The following USP9Y variants were observed in gnomAD, a reference collection of about 807,000 sequenced individuals.
USP9Y encodes ubiquitin carboxyl-terminal hydrolase 9Y.
USP9Y carries 41 observed loss-of-function variants against 53.1 expected under a neutral mutation model. The observed-to-expected ratio is 0.77, with a 90% CI of 0.60 to 1.00. The LOEUF is 1.00. Ranked by LOEUF, USP9Y falls within the 50% of genes least tolerant of loss-of-function variation. The probability of loss-of-function intolerance (pLI) is 0.00; values close to 1 mark genes in which losing one functional copy is unlikely to be tolerated. For synonymous variants in USP9Y, 220 were observed against 173.7 expected (o/e 1.27, Z -2.09); for missense variants, 567 against 535.8 (o/e 1.06, Z -0.58).
intron 33 of USP9Y, among the ~76,000 whole-genome samples, chrY:12,825,405 C>G: frequency 3.0e-5 from 1 of 32,966 alleles, no homozygotes; most frequent in Non-Finnish European, 7.4e-5. Flanking sequence ...GTACCTAGAG[C>G]TTAATTTGTA....
chrY:12,771,941 T>C (rs2053486304), intron 16 of USP9Y, among the ~76,000 whole-genome samples: 2 of 32,858 alleles, frequency 6.1e-5, no homozygotes, highest in Admixed American at 5.6e-4. Context: ...TAATATTGAG[T>C]ATCTCTTCCA....
Position 12,786,531 on chromosome Y carries a change from G to A in USP9Y, c.3292G>A (p.Ala1098Thr). 2.7e-6 allele frequency: 1 copy of A among 366,184 alleles called. No individual in the cohort carries two copies. Among genetic ancestry groups the A allele is most frequent in the South Asian group, 3.2e-5 (1 of 30,803 alleles). 91.3% of individuals were successfully genotyped at this position (366,184 alleles called of 400,897 possible). Residue 1098 changes from alanine (A) to threonine (T), a missense_variant, in exon 24 of 46, where the codon GCC becomes ACC. Coordinates refer to ENST00000338981, the MANE Select transcript of USP9Y (RefSeq NM_004654.4). ...QVLYLTEVVY[A>T]LLMPAGVPLT... ...TTTTTTTTTTTTCCAGGTAGTTTAT[G>A]CCTTGTTAATGCCTGCTGGTGTGCC...
chrY:12,807,861 G>A, intron 27 of USP9Y, among the ~76,000 whole-genome samples: 2 of 32,838 alleles, frequency 6.1e-5, no homozygotes, highest in South Asian at 1.4e-3. Flanking sequence ...AGTTATTGAA[G>A]GCTTAGCTTG....
At chrY:12,801,526 T>A in intron 27 of USP9Y, among the ~76,000 whole-genome samples, 1 of 33,776 alleles carries the variant, frequency 3.0e-5, no homozygotes. Flanking sequence ...TTTCTGTGTA[T>A]CTATTTGAGG....
intron 27 of USP9Y, among the ~76,000 whole-genome samples, chrY:12,794,875 A>C (rs766393201): frequency 6.0e-5 from 2 of 33,489 alleles, no homozygotes; most frequent in East Asian, 1.6e-3. Context: ...TAAGTCCTTC[A>C]GCTTTGTTGG....
Position 12,842,436 on chromosome Y carries a change from C to T in USP9Y, c.6409C>T (p.Pro2137Ser). 1 of 396,600 alleles carries T rather than the reference C, an allele frequency of 2.5e-6. No homozygotes were observed. The stretch of plus-strand genomic sequence containing the variant: ...CTTGCAAGATGGGTCTTGTCCTTCT[C>T]CTTTTGCATCTCCAGGACCTTCTAG... ...FSLQDGSCPS[P>S]FASPGPSSQA... Residue 2137 changes from proline (P) to serine (S), a missense_variant, in exon 38 of 46, where the codon CCT becomes TCT. Transcript: ENST00000338981.
intron 12 of USP9Y, among the ~76,000 whole-genome samples, chrY:12,754,801 G>A: frequency 3.0e-5 from 1 of 33,174 alleles, no homozygotes; most frequent in Non-Finnish European, 7.4e-5. Flanking sequence ...TTCTATAAAT[G>A]TCAGTTAAAT....
intron 15 of USP9Y, among the ~76,000 whole-genome samples, chrY:12,768,039 C>T: frequency 3.2e-5 from 1 of 31,450 alleles, no homozygotes; most frequent in South Asian, 7.5e-4. Context: ...AGTAGAGACA[C>T]GGTTTCACCA....
At chrY:12,799,175 T>C in intron 27 of USP9Y, among the ~76,000 whole-genome samples, 2 of 32,843 alleles carry the variant, frequency 6.1e-5, no homozygotes, top group South Asian at 7.1e-4. Flanking sequence ...CCTAAGGTTA[T>C]TTTGCATATT....
At position 12,778,619 on chromosome Y, in the gene USP9Y, A is replaced by G. The variant is rs779838074; in HGVS notation, c.2894A>G (p.Lys965Arg). The change falls in exon 21 of 46, where the codon AAA (lysine) becomes AGA (arginine). Residue 965 changes from lysine (K) to arginine (R), a missense_variant. Coordinates refer to ENST00000338981, the MANE Select transcript of USP9Y (RefSeq NM_004654.4). ...TGTTATTTTCAGCTAATTACAGCCA[A>G]ACTTACACAAATAAATTTCAATATG... ...NLKDKSLITA[K>R]LTQINFNMPS... The G allele has an allele frequency of 2.5e-6, 1 of 397,734 alleles. No individual in the cohort carries two copies. The highest frequency in any genetic ancestry group is 3.0e-5 in the South Asian group (1 of 33,745).
intron 42 of USP9Y, among the ~76,000 whole-genome samples, chrY:12,853,282 G>C: frequency 2.9e-5 from 1 of 34,269 alleles, no homozygotes; most frequent in Non-Finnish European, 7.3e-5. Flanking sequence ...CTTGCAGTTC[G>C]ATCTCAGACT....
chrY:12,738,535 T>TTTTTG (rs2053454092), intron 11 of USP9Y, among the ~76,000 whole-genome samples: 1 of 32,817 alleles, frequency 3.0e-5, no homozygotes, highest in Non-Finnish European at 7.5e-5. Flanking sequence ...TTTTTGGTTT[T>TTTTTG]TTTTGTTTTG....
chrY:12,807,966 T>A (rs936485360), intron 27 of USP9Y, among the ~76,000 whole-genome samples: 8 of 33,577 alleles, frequency 2.4e-4, no homozygotes, highest in Non-Finnish European at 4.4e-4. Context: ...TTAGGGAGAC[T>A]GTTTACAATT....
At chrY:12,774,024 C>A (rs2053489550) in intron 17 of USP9Y, 99 bp downstream of exon 17, 1 of 186,185 alleles carries the variant, frequency 5.4e-6, no homozygotes, top group Non-Finnish European at 9.0e-6. Flanking sequence ...AATTTCATGG[C>A]TATATTCTGT....
intron 12 of USP9Y, among the ~76,000 whole-genome samples, chrY:12,755,964 G>A (rs866505803): frequency 4.0e-4 from 13 of 32,763 alleles, no homozygotes; most frequent in Non-Finnish European, 8.2e-4. Flanking sequence ...TATGTGGGGG[G>A]GAATTTCTGA....
At chrY:12,729,181 G>T (rs913689088) in intron 7 of USP9Y, among the ~76,000 whole-genome samples, 1 of 34,613 alleles carries the variant, frequency 2.9e-5, no homozygotes, top group South Asian at 6.2e-4. Flanking sequence ...GATTACAGGC[G>T]TGGGCCATTG....
chrY:12,723,777 A>G (rs2053438770), intron 5 of USP9Y, among the ~76,000 whole-genome samples: 1 of 33,287 alleles, frequency 3.0e-5, no homozygotes, highest in Non-Finnish European at 7.4e-5. Context: ...CTTAACTGTC[A>G]GTGTTGTTAG....
intron 33 of USP9Y, among the ~76,000 whole-genome samples, chrY:12,827,385 A>G: frequency 3.0e-5 from 1 of 32,995 alleles, no homozygotes; most frequent in South Asian, 6.9e-4. Flanking sequence ...TCTCAAACCA[A>G]GCTAGAGAAA....
At chrY:12,765,127 A>C in intron 15 of USP9Y, among the ~76,000 whole-genome samples, 3 of 33,778 alleles carry the variant, frequency 8.9e-5, no homozygotes, top group Non-Finnish European at 2.2e-4. Flanking sequence ...ACACTATATT[A>C]CAATTAAGTA....
Sources: gnomAD v4.1 joint callset for allele counts (sites outside exome capture counted in the v4.1 genomes callset) on GRCh38, gnomAD v4.1.1 for gene constraint, MANE v1.5 for transcripts, NCBI Gene and HGNC (gene_info 2026-07-23, HGNC 2026-07-21) for gene names.